The following KIAA1586 variants were observed in gnomAD, a reference collection of about 807,000 sequenced individuals.
KIAA1586 encodes the protein E3 SUMO-protein ligase KIAA1586.
A neutral mutation model predicts 6.1 loss-of-function variants in KIAA1586; 5 were observed. That is an observed-to-expected ratio of 0.82 (90% confidence interval 0.43 to 1.73). The LOEUF is 1.73. Ranked by LOEUF, KIAA1586 falls within the 40% of genes most tolerant of loss-of-function variation. The pLI, the probability that KIAA1586 is intolerant of heterozygous loss-of-function variation, is 0.02. For synonymous variants in KIAA1586, 280 were observed against 301.7 expected, an observed-to-expected ratio of 0.93 and a Z score of 0.75; for missense variants, 899 against 878.2, an observed-to-expected ratio of 1.02 and a Z score of -0.30.
rs777305795 is a variant in KIAA1586, at chr6:57,054,281, AAAC to A, written c.1785_1787del (p.Asn596del). ...AGTTTAAAGATATTCCATTTAATAA[AAAC>A]AATAAATTTAATGCTCTTCCTAGGA... On this transcript the variant is annotated inframe_deletion, in exon 4 of 4. Coordinates refer to ENST00000370733, the MANE Select transcript of KIAA1586 (RefSeq NM_020931.4). 7 of 1,581,872 alleles carry A rather than the reference AAAC, an allele frequency of 4.4e-6. No individual in the cohort carries two copies. The Middle Eastern group carries it at 5.1e-4, about 115-fold the overall frequency.
chr6:57,056,203 G>A (rs1321435803), downstream of KIAA1586, among the ~76,000 whole-genome samples: 1 of 145,654 alleles, frequency 6.9e-6, no homozygotes, highest in Non-Finnish European at 1.5e-5. Context: ...AGTGTGCCAC[G>A]ACGCCTGCCT....
At chr6:57,051,590 T>G (rs1213216356) in intron 3 of KIAA1586, among the ~76,000 whole-genome samples, 1 of 151,750 alleles carries the variant, frequency 6.6e-6, no homozygotes, top group Non-Finnish European at 1.5e-5. Context: ...GTGATGTGTC[T>G]CTGCTAGACT....
At chr6:57,047,971 A>G (rs1828225424) in intron 2 of KIAA1586, among the ~76,000 whole-genome samples, 1 of 147,768 alleles carries the variant, frequency 6.8e-6, no homozygotes, top group Non-Finnish European at 1.5e-5. Context: ...ATAAACAGGC[A>G]GATTCCTGGG....
the KIAA1586 span, among the ~76,000 whole-genome samples, chr6:57,066,458 G>A: frequency 2.0e-5 from 3 of 152,142 alleles, no homozygotes; most frequent in African/African-American, 7.2e-5. Flanking sequence ...GGAGTCATTG[G>A]GTAGAAGGGC....
intron 2 of KIAA1586, among the ~76,000 whole-genome samples, chr6:57,050,271 G>A (rs543014954): frequency 1.4e-5 from 2 of 147,280 alleles, no homozygotes; most frequent in African/African-American, 5.0e-5. Context: ...CTTTTTACTA[G>A]CAGGAACAGT....
chr6:57,055,029 T>A lies in KIAA1586; in HGVS notation c.*166T>A. ...TCTTGAAGATTGGTTTTAGAAGCTATAGTTTTTTAGAGATTGGCCCATGTT... is the reference window on the plus strand; with the variant it reads ...TCTTGAAGATTGGTTTTAGAAGCTAAAGTTTTTTAGAGATTGGCCCATGTT... On this transcript the variant is annotated 3_prime_UTR_variant, in exon 4 of 4. Transcript: ENST00000370733. The A allele has an allele frequency of 1.3e-6, 1 of 778,184 alleles. No individual in the cohort carries two copies. Among genetic ancestry groups the A allele is most frequent in the Non-Finnish European group, 1.9e-6 (1 of 525,430 alleles). 48.2% of individuals were successfully genotyped at this position (778,184 alleles called of 1,614,324 possible).
downstream of KIAA1586, among the ~76,000 whole-genome samples, chr6:57,055,795 A>G (rs1401191904): frequency 6.6e-6 from 1 of 152,208 alleles, no homozygotes; most frequent in Non-Finnish European, 1.5e-5. Context: ...AGACTCAAAG[A>G]AGGTATGTTG....
At chr6:57,063,109 CTG>C in the KIAA1586 span, among the ~76,000 whole-genome samples, 12 of 152,034 alleles carry the variant, frequency 7.9e-5, no homozygotes, top group Admixed American at 7.2e-4. Context: ...AGAGATATTT[CTG>C]TGGTTCCTTT....
At chr6:57,058,041 C>T (rs140316159), downstream of KIAA1586, among the ~76,000 whole-genome samples, 460 of 152,176 alleles carry the variant, frequency 3.0e-3, 2 homozygotes, top group Middle Eastern at 6.8e-3. Context: ...GTGATCCACC[C>T]GCCTTAGCCT....
Position 57,050,966 on chromosome 6 carries a change from T to A in KIAA1586, c.186+112T>A, listed in dbSNP as rs138314998. 1,553 of 734,302 alleles carry A rather than the reference T, an allele frequency of 2.1e-3. 25 individuals carry two copies. The African/African-American group carries it at 0.025, about 12-fold the overall frequency. The allele number at this position is 734,302 out of a possible 1,614,324, so 45.5% of individuals were successfully genotyped here. A position where few individuals can be genotyped will look rare whatever the true frequency, so the allele number is the denominator to read the frequency against. On this transcript the variant is annotated intron_variant, in intron 3 of 3. Transcript: ENST00000370733. ...AATTGTTGGCCAGGCACGGTGGCTC[T>A]CGCTTGTAATCCCAGCACTTTGGGA... is the stretch of plus-strand genomic sequence containing the variant.
chr6:57,066,892 C>T, the KIAA1586 span, among the ~76,000 whole-genome samples: 1 of 152,140 alleles, frequency 6.6e-6, no homozygotes, highest in Non-Finnish European at 1.5e-5. Context: ...TACTACTTCT[C>T]CACCTACTTT....
chr6:57,051,308 A>T (rs1022439264), intron 3 of KIAA1586, among the ~76,000 whole-genome samples: 2 of 151,740 alleles, frequency 1.3e-5, no homozygotes, highest in African/African-American at 4.9e-5. Context: ...AGTTATTACA[A>T]ATTAAAGTAT....
chr6:57,064,756 T>C, the KIAA1586 span, among the ~76,000 whole-genome samples: 1 of 152,196 alleles, frequency 6.6e-6, no homozygotes, highest in African/African-American at 2.4e-5. Flanking sequence ...CAGATGTGGC[T>C]TTTCTGGGAA....
chr6:57,054,987 GTTCT>G lies in KIAA1586; in HGVS notation c.*127_*130del. 2 of 1,097,408 alleles carry G rather than the reference GTTCT, an allele frequency of 1.8e-6. No homozygotes were observed. The highest frequency in any genetic ancestry group is 2.5e-6 in the Non-Finnish European group (2 of 797,596). The allele number at this position is 1,097,408 out of a possible 1,614,324, so 68.0% of individuals were successfully genotyped here. On this transcript the variant is annotated 3_prime_UTR_variant, in exon 4 of 4. Transcript: ENST00000370733. ...ATCAGCATGTTGCTGTTTAAAAGGC[GTTCT>G]TTAAGAAGATAATCTTGAAGATTGG...
chr6:57,061,419 G>T, the KIAA1586 span, among the ~76,000 whole-genome samples: 7 of 152,216 alleles, frequency 4.6e-5, no homozygotes, highest in South Asian at 1.2e-3. Flanking sequence ...TTGAGACAGG[G>T]TCTTACTCTG....
chr6:57,050,999 G>T (rs538409792), intron 3 of KIAA1586, 145 bp downstream of exon 3: 1 of 561,326 alleles, frequency 1.8e-6, no homozygotes. Flanking sequence ...GGAGGCCGAG[G>T]CGGTTGGATC....
chr6:57,053,907 G>A lies in KIAA1586; in HGVS notation c.1408G>A (p.Glu470Lys). ...TCTAGGAACTGTAGCTAAAGAACTT[G>A]AAACTGAAATTATTAAAATTGGTCG... ...KLLGTVAKEL[E>K]TEIIKIGRVM... Residue 470 changes from glutamate (E) to lysine (K), a missense_variant, in exon 4 of 4, where the codon GAA becomes AAA. Glu to Lys is a moderately conservative substitution (Grantham distance 56). Transcript: ENST00000370733. 7 of 1,582,336 alleles carry A rather than the reference G, an allele frequency of 4.4e-6. No individual in the cohort carries two copies. Among genetic ancestry groups the A allele is most frequent in the Non-Finnish European group, 6.0e-6 (7 of 1,168,042 alleles).
At chr6:57,063,450 C>T in the KIAA1586 span, among the ~76,000 whole-genome samples, 87 of 102,438 alleles carry the variant, frequency 8.5e-4, no homozygotes, top group African/African-American at 1.0e-3. Context: ...TATGTTATTT[C>T]TTTTTTTTTT....
rs1828372829 is a variant in KIAA1586, at chr6:57,052,955, T to G, written c.456T>G (p.Leu152=). The change falls in exon 4 of 4, where the codon CTT becomes CTG. Residue 152 remains leucine, a synonymous_variant. Transcript: ENST00000370733. ...AFMFTEQYKW[L]EIKEGKLGCK... ...TGTTTACAGAACAATACAAATGGCTTGAAATAAAAGAAGGTAAATTAGGAT... is the reference window on the plus strand; with the variant it reads ...TGTTTACAGAACAATACAAATGGCTGGAAATAAAAGAAGGTAAATTAGGAT... 5 of 1,613,792 alleles carry G rather than the reference T, an allele frequency of 3.1e-6. No individual in the cohort carries two copies. The East Asian group carries it at 1.1e-4, about 36-fold the overall frequency.
Sources: allele counts gnomAD v4.1 joint callset (sites outside exome capture counted in the v4.1 genomes callset), GRCh38; gene constraint gnomAD v4.1.1; transcripts MANE v1.5; gene names NCBI Gene and HGNC (gene_info 2026-07-23, HGNC 2026-07-21).